The following FSIP1 variants were observed in gnomAD, a reference collection of about 807,000 sequenced individuals.
The protein encoded by FSIP1 is fibrous sheath-interacting protein 1.
Under a neutral mutation model 60.9 loss-of-function variants are expected in FSIP1, and 65 were observed. The ratio of observed to expected loss-of-function variants is 1.07; its 90% confidence interval spans 0.87 to 1.31. The LOEUF (loss-of-function observed/expected upper bound fraction) is 1.31, where lower values mean the gene tolerates loss of function less well. FSIP1 is among the 40% of genes most tolerant of loss of function. FSIP1 has a pLI of 0.00. For missense variants in FSIP1, 675 were observed against 665.5 expected, an observed-to-expected ratio of 1.01 and a Z score of -0.16; for synonymous variants, 209 against 221.2, an observed-to-expected ratio of 0.94 and a Z score of 0.49.
chr15:39,738,234 C>A (rs757847348), intron 7 of FSIP1, 33 bp from the exon 8 acceptor site: 2 of 1,397,734 alleles, frequency 1.4e-6, no homozygotes, highest in South Asian at 2.5e-5. Context: ...ATATCATATA[C>A]TCAAGGAAAT....
intron 6 of FSIP1, among the ~76,000 whole-genome samples, chr15:39,741,318 G>A (rs1037524900): frequency 2.0e-5 from 3 of 152,190 alleles, no homozygotes; most frequent in African/African-American, 7.2e-5. Context: ...TCTCCAGTCT[G>A]GTATTGACAT....
At chr15:39,778,345 G>A (rs1037238463) in intron 1 of FSIP1, among the ~76,000 whole-genome samples, 5 of 152,198 alleles carry the variant, frequency 3.3e-5, no homozygotes, top group African/African-American at 1.2e-4. Context: ...CAATGACCTG[G>A]ATCAGCTAAA....
intron 10 of FSIP1, among the ~76,000 whole-genome samples, chr15:39,706,069 T>A (rs1229928440): frequency 6.6e-6 from 1 of 152,096 alleles, no homozygotes; most frequent in African/African-American, 2.4e-5. Flanking sequence ...ATTTTTATCA[T>A]CCTACCATAG....
intron 10 of FSIP1, among the ~76,000 whole-genome samples, chr15:39,712,750 A>G (rs1895574362): frequency 6.6e-6 from 1 of 152,244 alleles, no homozygotes; most frequent in Admixed American, 6.5e-5. Flanking sequence ...CAGAGCATCA[A>G]CCAGCTCACA....
At chr15:39,622,768 T>C (rs963000759) in intron 10 of FSIP1, among the ~76,000 whole-genome samples, 2 of 152,226 alleles carry the variant, frequency 1.3e-5, no homozygotes, top group Non-Finnish European at 2.9e-5. Context: ...AGAACCTAAG[T>C]GTCTAGCCAC....
chr15:39,636,601 G>A (rs1343175965), intron 10 of FSIP1, among the ~76,000 whole-genome samples: 1 of 152,290 alleles, frequency 6.6e-6, no homozygotes, highest in East Asian at 1.9e-4. Context: ...ATGGACTTTA[G>A]GGATTCGGGG....
chr15:39,637,247 G>C (rs1044926519), intron 10 of FSIP1, among the ~76,000 whole-genome samples: 1 of 152,050 alleles, frequency 6.6e-6, no homozygotes, highest in African/African-American at 2.4e-5. Context: ...TATCAATCTA[G>C]GTTCTTACTT....
At chr15:39,670,009 T>G (rs1489245042) in intron 10 of FSIP1, among the ~76,000 whole-genome samples, 3 of 152,226 alleles carry the variant, frequency 2.0e-5, no homozygotes, top group African/African-American at 7.2e-5. Context: ...TTAATATATT[T>G]CTCTGCTTGC....
intron 11 of FSIP1, among the ~76,000 whole-genome samples, chr15:39,610,286 T>C (rs1426622525): frequency 6.6e-6 from 1 of 152,084 alleles, no homozygotes; most frequent in Non-Finnish European, 1.5e-5. Flanking sequence ...TTTCCAAAAT[T>C]TGTGGAAATA....
chr15:39,776,320 A>C, intron 2 of FSIP1, 79 bp downstream of exon 2: 5 of 1,328,712 alleles, frequency 3.8e-6, no homozygotes, highest in African/African-American at 1.5e-5. Flanking sequence ...TTAAAATGGG[A>C]TGTTAACAAC....
At chr15:39,765,570 C>A in intron 4 of FSIP1, 22 bp downstream of exon 4, 1 of 1,541,738 alleles carries the variant, frequency 6.5e-7, no homozygotes, top group Non-Finnish European at 8.8e-7. Context: ...TACATGTCAG[C>A]ATAAGGTTAG....
chr15:39,610,637 G>C (rs558848986), intron 11 of FSIP1, among the ~76,000 whole-genome samples: 1 of 152,276 alleles, frequency 6.6e-6, no homozygotes, highest in African/African-American at 2.4e-5. Context: ...CTGCAGTCTA[G>C]TCTGGGTGAC....
chr15:39,745,667 A>G (rs574248234), intron 5 of FSIP1, among the ~76,000 whole-genome samples: 1 of 152,300 alleles, frequency 6.6e-6, no homozygotes, highest in African/African-American at 2.4e-5. Context: ...ATAACCTAAC[A>G]TGCATATCTT....
chr15:39,655,976 C>G (rs539226458), intron 10 of FSIP1, among the ~76,000 whole-genome samples: 9 of 152,244 alleles, frequency 5.9e-5, no homozygotes, highest in Admixed American at 2.0e-4. Context: ...TATAGAATCA[C>G]ATAACTAGAA....
intron 11 of FSIP1, among the ~76,000 whole-genome samples, chr15:39,614,346 A>C (rs865871323): frequency 1.7e-4 from 26 of 152,320 alleles, no homozygotes; most frequent in Middle Eastern, 3.4e-3. Context: ...TAATAAAAAA[A>C]ATTAACCAAG....
chr15:39,704,592 T>C (rs1001147187), intron 10 of FSIP1, among the ~76,000 whole-genome samples: 1 of 152,236 alleles, frequency 6.6e-6, no homozygotes, highest in Non-Finnish European at 1.5e-5. Flanking sequence ...TTCTGATTAT[T>C]TCTGAAAAAT....
intron 2 of FSIP1, among the ~76,000 whole-genome samples, chr15:39,772,200 T>G (rs1316658327): frequency 1.3e-5 from 2 of 152,190 alleles, no homozygotes; most frequent in Non-Finnish European, 2.9e-5. Context: ...CCCACTGGCC[T>G]CTCTATTCCT....
intron 2 of FSIP1, among the ~76,000 whole-genome samples, chr15:39,771,247 T>G (rs1897876508): frequency 1.3e-5 from 2 of 152,094 alleles, no homozygotes; most frequent in South Asian, 4.1e-4. Context: ...TAAACTGTGA[T>G]GAAAATCACT....
rs1417028567 is a variant in FSIP1, at chr15:39,782,709, C to T, written c.-89G>A. 6.6e-6 allele frequency: 1 copy of T among 152,560 alleles called. No individual in the cohort carries two copies. Among genetic ancestry groups the T allele is most frequent in the Non-Finnish European group, 1.5e-5 (1 of 68,172 alleles). The allele number at this position is 152,560 out of a possible 1,614,324, so 9.5% of individuals were successfully genotyped here. A position where few individuals can be genotyped will look rare whatever the true frequency, so the allele number is the denominator to read the frequency against. On this transcript the variant is annotated 5_prime_UTR_variant, in exon 1 of 12. Transcript: ENST00000350221. ...GCAGAAGCGCGCCGCAGACACTCGC[C>T]GCGCCAGCCACTTACCCCCAGAGGA...
Sources: allele counts gnomAD v4.1 joint callset (sites outside exome capture counted in the v4.1 genomes callset), GRCh38; gene constraint gnomAD v4.1.1; transcripts MANE v1.5; gene names NCBI Gene and HGNC (gene_info 2026-07-23, HGNC 2026-07-21).